The following ZNF782 variants were observed in gnomAD, a reference collection of about 807,000 sequenced individuals.
ZNF782 encodes the protein zinc finger protein 782.
Under a neutral mutation model 13.0 loss-of-function variants are expected in ZNF782, and 12 were observed. That is an observed-to-expected ratio of 0.92 (90% confidence interval 0.59 to 1.50). ZNF782 has a LOEUF of 1.50. Among genes scored for constraint, ZNF782 ranks in the 40% most tolerant of loss-of-function variants. The pLI, the probability that ZNF782 is intolerant of heterozygous loss-of-function variation, is 0.00. For missense variants in ZNF782, 770 were observed against 822.9 expected, an observed-to-expected ratio of 0.94 and a Z score of 0.79; for synonymous variants, 284 against 283.0, an observed-to-expected ratio of 1.00 and a Z score of -0.04.
At chr9:96,861,064 C>A (rs1222755499) in intron 2 of ZNF782, among the ~76,000 whole-genome samples, 2 of 152,180 alleles carry the variant, frequency 1.3e-5, no homozygotes, top group Admixed American at 1.3e-4. Context: ...CTGGGAAACA[C>A]AGTGAGTTTC....
At chr9:96,838,235 C>T (rs1320133979) in intron 4 of ZNF782, among the ~76,000 whole-genome samples, 1 of 152,302 alleles carries the variant, frequency 6.6e-6, no homozygotes, top group East Asian at 1.9e-4. Context: ...TTTGAAAGCA[C>T]ACTTTTTATG....
the ZNF782 span, among the ~76,000 whole-genome samples, chr9:96,899,601 A>T: frequency 6.6e-6 from 1 of 152,218 alleles, no homozygotes; most frequent in African/African-American, 2.4e-5. Context: ...ATCCAAGGTT[A>T]AGGGACTGCC....
chr9:96,922,500 C>T, the ZNF782 span, among the ~76,000 whole-genome samples: 3 of 152,410 alleles, frequency 2.0e-5, no homozygotes, highest in African/African-American at 4.8e-5. Flanking sequence ...AGGCCAGGCA[C>T]GGTGGCTCAC....
the ZNF782 span, among the ~76,000 whole-genome samples, chr9:96,930,291 A>G: frequency 2.0e-5 from 3 of 152,192 alleles, no homozygotes; most frequent in African/African-American, 7.2e-5. Flanking sequence ...TTGGGAGACC[A>G]AGGCATGTGG....
chr9:96,831,333 A>G (rs540115833), intron 4 of ZNF782, among the ~76,000 whole-genome samples: 46 of 152,192 alleles, frequency 3.0e-4, no homozygotes, highest in Non-Finnish European at 6.2e-4. Context: ...TGTTGTGCCA[A>G]TGTCAACTTC....
the ZNF782 span, among the ~76,000 whole-genome samples, chr9:96,924,874 C>T: frequency 3.3e-5 from 5 of 152,214 alleles, no homozygotes; most frequent in African/African-American, 7.2e-5. Context: ...GGGAAAGGAG[C>T]GCGGCCTGGG....
At chr9:96,846,757 T>A (rs548641104) in intron 3 of ZNF782, among the ~76,000 whole-genome samples, 1 of 152,126 alleles carries the variant, frequency 6.6e-6, no homozygotes, top group African/African-American at 2.4e-5. Flanking sequence ...GAAACTTCAA[T>A]AGACCACTGA....
intron 1 of ZNF782, among the ~76,000 whole-genome samples, chr9:96,873,854 T>G (rs1318280978): frequency 6.6e-6 from 1 of 152,206 alleles, no homozygotes; most frequent in Non-Finnish European, 1.5e-5. Flanking sequence ...GTGGGCAGGT[T>G]CTCTGACAAA....
At chr9:96,933,585 G>A in the ZNF782 span, 1 of 151,982 alleles carries the variant, frequency 6.6e-6, no homozygotes, top group African/African-American at 2.4e-5. Context: ...TGTTAAGCAG[G>A]CTGGTCTTGA....
intron 4 of ZNF782, among the ~76,000 whole-genome samples, chr9:96,831,712 C>CA (rs36042943): frequency 0.17 from 18,968 of 113,472 alleles, 2,689 homozygotes; most frequent in African/African-American, 0.38. Context: ...GACTCTGTCT[C>CA]AAAAAAAAAA....
intron 1 of ZNF782, among the ~76,000 whole-genome samples, chr9:96,863,658 C>A (rs1405246147): frequency 1.3e-5 from 2 of 152,160 alleles, no homozygotes; most frequent in Non-Finnish European, 1.5e-5. Context: ...AGAATATATG[C>A]ACCACGGAAT....
At chr9:96,822,128 A>G (rs1275870045) in intron 5 of ZNF782, among the ~76,000 whole-genome samples, 2 of 152,176 alleles carry the variant, frequency 1.3e-5, no homozygotes, top group African/African-American at 2.4e-5. Flanking sequence ...TCTTTCCTAC[A>G]CAAGTGCTCA....
rs556256117 is a variant in ZNF782, at chr9:96,850,670, T to C, written c.15+1277A>G. 2.0e-5 allele frequency among the ~76,000 whole-genome samples: 3 copies of C among 152,314 alleles called. No individual in the cohort carries two copies. The highest frequency in any genetic ancestry group is 7.2e-5 in the African/African-American group (3 of 41,580). On this transcript the variant is annotated intron_variant, in intron 3 of 5. Transcript: ENST00000481138. This position sits in a 1 kb window ranked among gnomAD's most constrained non-coding sequence, Gnocchi z 4.3. Reference sequence around the variant, plus strand: ...CAAAAGCTATTGAAATAAAACATTTTAAAGAAATGTTTTAAAGTATAAAGA... The same window carrying C: ...CAAAAGCTATTGAAATAAAACATTTCAAAGAAATGTTTTAAAGTATAAAGA...
chr9:96,891,994 A>G, the ZNF782 span: 24 of 152,188 alleles, frequency 1.6e-4, no homozygotes, highest in Admixed American at 1.5e-3. Context: ...AATCCAGCGA[A>G]AGGACACTTC....
chr9:96,869,422 A>G (rs1342483228), intron 1 of ZNF782, among the ~76,000 whole-genome samples: 6 of 152,156 alleles, frequency 3.9e-5, no homozygotes, highest in Admixed American at 2.0e-4. Flanking sequence ...ACTATTTGTT[A>G]TCATTTAGTT....
At chr9:96,851,909 C>T in intron 3 of ZNF782, 38 bp downstream of exon 3, 3 of 1,603,502 alleles carry the variant, frequency 1.9e-6, no homozygotes. Context: ...TCATAAAATC[C>T]ATTACAATAC....
At chr9:96,857,586 T>A (rs1239191866), upstream of ZNF782, among the ~76,000 whole-genome samples, 1 of 152,216 alleles carries the variant, frequency 6.6e-6, no homozygotes, top group Non-Finnish European at 1.5e-5. Context: ...CCAACCAAAC[T>A]AGAAGAGGAT....
chr9:96,911,442 A>C, the ZNF782 span, among the ~76,000 whole-genome samples: 2 of 143,280 alleles, frequency 1.4e-5, no homozygotes, highest in African/African-American at 5.0e-5. Flanking sequence ...CTGTCTCAAA[A>C]AAAAAAAAAA....
chr9:96,906,110 TA>T, the ZNF782 span, among the ~76,000 whole-genome samples: 1 of 152,268 alleles, frequency 6.6e-6, no homozygotes, highest in Non-Finnish European at 1.5e-5. Flanking sequence ...CTCAAAAAAT[TA>T]AAGAGAGAAT....
Sources: gnomAD v4.1 joint callset for allele counts (sites outside exome capture counted in the v4.1 genomes callset) on GRCh38, gnomAD v4.1.1 for gene constraint, Gnocchi (gnomAD v3.1) non-coding constraint, MANE v1.5 for transcripts, NCBI Gene and HGNC (gene_info 2026-07-23, HGNC 2026-07-21) for gene names.